Variants in ZNF438 observed in about 807,000 individuals in gnomAD.
The protein encoded by ZNF438 is zinc finger protein 438.
Under a neutral mutation model 38.0 loss-of-function variants are expected in ZNF438, and 25 were observed. That is an observed-to-expected ratio of 0.66 (90% confidence interval 0.48 to 0.92). The LOEUF (loss-of-function observed/expected upper bound fraction) is 0.92, where lower values mean the gene tolerates loss of function less well. ZNF438 is among the 40% of genes least tolerant of loss of function. ZNF438 has a pLI of 0.00. For synonymous variants in ZNF438, 372 were observed against 364.1 expected (o/e 1.02, Z -0.25); for missense variants, 1,007 against 999.6 (o/e 1.01, Z -0.10).
chr10:30,913,129 G>A (rs900694224), intron 2 of ZNF438, among the ~76,000 whole-genome samples: 4 of 151,956 alleles, frequency 2.6e-5, no homozygotes, highest in South Asian at 2.1e-4. Context: ...CACCATCCAC[G>A]CTGCAGCCAA....
In ZNF438 at chr10:31,000,358, C is replaced by T. The variant is rs79975488; in HGVS notation, c.-192+31475G>A. Among the ~76,000 whole-genome samples, 614 of 152,298 alleles carry T rather than the reference C, an allele frequency of 4.0e-3. 7 individuals are homozygous for T. The highest frequency in any genetic ancestry group is 0.014 in the African/African-American group (576 of 41,562). ...TCACTTGGGAGCAGAATCTGAGGCC[C>T]CACTGCCAGACCTATTGAATCAAAA... On this transcript the variant is annotated intron_variant, in intron 1 of 5. Coordinates refer to ENST00000413025, the Ensembl canonical transcript of ZNF438.
intron 2 of ZNF438, among the ~76,000 whole-genome samples, chr10:30,932,662 C>A (rs1422940284): frequency 6.6e-6 from 1 of 152,134 alleles, no homozygotes; most frequent in Non-Finnish European, 1.5e-5. Flanking sequence ...AAGAAATATG[C>A]CATCAGTTAT....
At chr10:31,029,918 G>A (rs2057176612) in intron 1 of ZNF438, among the ~76,000 whole-genome samples, 1 of 152,162 alleles carries the variant, frequency 6.6e-6, no homozygotes, top group Non-Finnish European at 1.5e-5. Context: ...ACAGTCACCT[G>A]GAGCCTGGAC....
chr10:31,031,202 T>G (rs541599611), intron 1 of ZNF438, among the ~76,000 whole-genome samples: 1 of 152,322 alleles, frequency 6.6e-6, no homozygotes, highest in South Asian at 2.1e-4. Flanking sequence ...ACCACATTCC[T>G]CAGAATAACC....
intron 2 of ZNF438, among the ~76,000 whole-genome samples, chr10:30,929,566 C>A (rs1482994238): frequency 6.6e-6 from 1 of 152,168 alleles, no homozygotes; most frequent in African/African-American, 2.4e-5. Flanking sequence ...AGTGAAAGAA[C>A]AAAGCTTTCA....
chr10:30,849,250 T>C, exon 5 of ZNF438: 3 of 1,614,238 alleles, frequency 1.9e-6, no homozygotes, highest in African/African-American at 1.3e-5. Flanking sequence ...CCTTCCGTTT[T>C]CTTCCTTTTC....
chr10:30,961,474 T>C (rs1252833448), intron 1 of ZNF438, among the ~76,000 whole-genome samples: 1 of 145,950 alleles, frequency 6.9e-6, no homozygotes, highest in Admixed American at 6.9e-5. Flanking sequence ...AACAAATGAT[T>C]TGTGAAACTT....
chr10:30,940,374 G>A (rs1361987095), intron 2 of ZNF438, among the ~76,000 whole-genome samples: 1 of 152,240 alleles, frequency 6.6e-6, no homozygotes, highest in African/African-American at 2.4e-5. Flanking sequence ...CACTGGCAGA[G>A]AGAGAAAGAG....
intron 1 of ZNF438, among the ~76,000 whole-genome samples, chr10:30,948,460 G>A (rs1389988910): frequency 1.3e-5 from 2 of 152,122 alleles, no homozygotes; most frequent in African/African-American, 4.8e-5. Context: ...CTGAGCTACG[G>A]GAGGACATTC....
chr10:30,856,413 C>T (rs561772713), intron 4 of ZNF438, among the ~76,000 whole-genome samples: 3 of 152,254 alleles, frequency 2.0e-5, no homozygotes, highest in African/African-American at 4.8e-5. Context: ...GTCTGAACAA[C>T]AGGAGTCCTT....
At chr10:30,846,957 C>T (rs772177999) in intron 5 of ZNF438, among the ~76,000 whole-genome samples, 2 of 152,206 alleles carry the variant, frequency 1.3e-5, no homozygotes, top group Non-Finnish European at 2.9e-5. Flanking sequence ...TGCTGATATG[C>T]CCACCTCCTA....
rs932217628 is a variant in ZNF438 at position 30,927,513 on chromosome 10, T to TAA, written c.-115+14060_-115+14061dup. ...ATGAAGGAACATTTCCCACCCTAGC[T>TAA]AAAGATTCTTCAATATGCTTCCTGC... On this transcript the variant is annotated intron_variant, in intron 2 of 5. Transcript: ENST00000413025. Among the ~76,000 whole-genome samples, 10 of 152,364 alleles carry TAA rather than the reference T, an allele frequency of 6.6e-5. No individual in the cohort carries two copies. In the South Asian group the frequency reaches 1.7e-3, roughly 25 times the overall value.
chr10:31,005,891 C>A (rs1380476695), intron 1 of ZNF438, among the ~76,000 whole-genome samples: 1 of 152,118 alleles, frequency 6.6e-6, no homozygotes, highest in Non-Finnish European at 1.5e-5. Flanking sequence ...AATAACAGAT[C>A]TGGGTTAAAA....
chr10:30,987,843 G>T (rs1234056510), intron 1 of ZNF438, among the ~76,000 whole-genome samples: 7 of 152,188 alleles, frequency 4.6e-5, no homozygotes, highest in Non-Finnish European at 8.8e-5. Flanking sequence ...CGAACCGGGA[G>T]AAATGAATTG....
intron 4 of ZNF438, among the ~76,000 whole-genome samples, chr10:30,864,142 A>AACTCCCTTTTTGTCTTTATTTGT (rs1165874138): frequency 3.9e-5 from 6 of 152,178 alleles, no homozygotes; most frequent in Non-Finnish European, 7.4e-5. Flanking sequence ...TTTTATTTGT[A>AACTCCCTTTTTGTCTTTATTTGT]AACTCCCTTT....
chr10:30,883,339 C>A lies in ZNF438; in HGVS notation c.-31-6274G>T, dbSNP rs148493947. On this transcript the variant is annotated intron_variant, in intron 3 of 5. Transcript: ENST00000413025. ...AATTCTGCATTCCTTTTGGCCCAGACCTTCCTTCCTTCCACATGCAGGAAT... is the reference window on the plus strand; with the variant it reads ...AATTCTGCATTCCTTTTGGCCCAGAACTTCCTTCCTTCCACATGCAGGAAT... 3.4e-3 allele frequency among the ~76,000 whole-genome samples: 525 copies of A among 152,188 alleles called. 6 individuals are homozygous for A. Among genetic ancestry groups the A allele is most frequent in the East Asian group, 4.3e-3 (22 of 5,164 alleles).
chr10:31,030,985 G>A (rs1003637328), intron 1 of ZNF438, among the ~76,000 whole-genome samples: 2 of 152,184 alleles, frequency 1.3e-5, no homozygotes, highest in Admixed American at 6.5e-5. Context: ...CCCAGACAAC[G>A]GGGGCATTGT....
At chr10:30,901,440 G>C (rs60091865) in intron 3 of ZNF438, among the ~76,000 whole-genome samples, 2 of 151,624 alleles carry the variant, frequency 1.3e-5, no homozygotes, top group African/African-American at 4.9e-5. Flanking sequence ...CTGATGTTCC[G>C]CTGAGTCGGG....
chr10:30,873,919 G>A (rs986712485), intron 4 of ZNF438, among the ~76,000 whole-genome samples: 2 of 151,936 alleles, frequency 1.3e-5, no homozygotes, highest in South Asian at 2.1e-4. Flanking sequence ...ACGTGTGTAT[G>A]TGTTTATAAG....
Sources: gnomAD v4.1 joint callset for allele counts (sites outside exome capture counted in the v4.1 genomes callset) on GRCh38, gnomAD v4.1.1 for gene constraint, MANE v1.5 for transcripts, NCBI Gene and HGNC (gene_info 2026-07-23, HGNC 2026-07-21) for gene names.